The following DENND2B variants were observed in gnomAD, a reference collection of about 807,000 sequenced individuals.
The protein encoded by DENND2B is DENN domain containing 2B, also known as DENN domain-containing protein 2B.
In DENND2B, 32 loss-of-function variants were observed where a neutral mutation model predicts 116.0. The ratio of observed to expected loss-of-function variants is 0.28; its 90% CI spans 0.21 to 0.37. The LOEUF is 0.37. Ranked by LOEUF, DENND2B falls within the 10% of genes least tolerant of loss-of-function variation. The probability of loss-of-function intolerance (pLI) is 1.00; values close to 1 mark genes in which losing one functional copy is unlikely to be tolerated. For synonymous variants in DENND2B, 588 were observed against 583.9 expected (o/e 1.01, Z -0.10); for missense variants, 1,276 against 1,477.7 (o/e 0.86, Z 2.24).
At chr11:8,820,129 C>T (rs775327344) in intron 4 of DENND2B, among the ~76,000 whole-genome samples, 8 of 152,170 alleles carry the variant, frequency 5.3e-5, no homozygotes, top group Non-Finnish European at 1.0e-4. Context: ...CAAGAAAAGT[C>T]GCCCCCAGAA....
chr11:8,762,324 G>C (rs544343908), intron 1 of DENND2B, among the ~76,000 whole-genome samples: 1 of 152,022 alleles, frequency 6.6e-6, no homozygotes, highest in Non-Finnish European at 1.5e-5. Context: ...CCTACCCCAG[G>C]GCCTTCACAC....
At chr11:8,817,377 T>C (rs973966470) in intron 4 of DENND2B, among the ~76,000 whole-genome samples, 2 of 152,110 alleles carry the variant, frequency 1.3e-5, no homozygotes, top group Non-Finnish European at 2.9e-5. Context: ...CTGCACAGTG[T>C]TGACCACTGC....
Position 8,900,212 on chromosome 11 carries a change from T to C in DENND2B, c.-256+10609A>G, listed in dbSNP as rs1384841252. On this transcript the variant is annotated intron_variant, in intron 1 of 22. Coordinates refer to the DENND2B transcript ENST00000534127. ...AGGCCGAGGCGGGTAGATCACAAGG[T>C]CAGGAGTTCGAGACTGTCCTGGCTA... Among the ~76,000 whole-genome samples, 5 of 150,726 alleles carry C rather than the reference T, an allele frequency of 3.3e-5. No homozygotes were observed. The East Asian group carries it at 9.8e-4, about 30-fold the overall frequency.
At chr11:8,804,517 G>C (rs913233839) in intron 1 of DENND2B, among the ~76,000 whole-genome samples, 1 of 146,614 alleles carries the variant, frequency 6.8e-6, no homozygotes, top group African/African-American at 2.5e-5. Context: ...TTGACAGAAA[G>C]ATGAACGAGA....
At chr11:8,768,409 G>C (rs1316512342) in intron 1 of DENND2B, among the ~76,000 whole-genome samples, 1 of 152,038 alleles carries the variant, frequency 6.6e-6, no homozygotes, top group Non-Finnish European at 1.5e-5. Context: ...ACCATAGCCA[G>C]CTAAGTTTTT....
At chr11:8,821,574 G>T (rs2061769195) in intron 4 of DENND2B, among the ~76,000 whole-genome samples, 1 of 26,384 alleles carries the variant, frequency 3.8e-5, no homozygotes, top group African/African-American at 5.3e-5. Flanking sequence ...GAGAGATCCT[G>T]TCTCAAAAAA....
intron 1 of DENND2B, chr11:8,771,561 G>GAC (rs2056888380): frequency 6.8e-6 from 1 of 146,666 alleles, no homozygotes; most frequent in Non-Finnish European, 1.5e-5. Context: ...GAGAGAGAGA[G>GAC]AGAGAGCCTT....
At chr11:8,883,070 G>T (rs1224352654) in intron 1 of DENND2B, among the ~76,000 whole-genome samples, 1 of 152,128 alleles carries the variant, frequency 6.6e-6, no homozygotes, top group Non-Finnish European at 1.5e-5. Context: ...ATAGTAACTT[G>T]CACAGAGTTA....
intron 1 of DENND2B, among the ~76,000 whole-genome samples, chr11:8,902,397 A>T (rs2064182119): frequency 6.6e-6 from 1 of 151,528 alleles, no homozygotes; most frequent in East Asian, 1.9e-4. Context: ...TTCTTGCTTG[A>T]ATTTTGTCAG....
At chr11:8,740,180 T>A (rs1266844977) in intron 2 of DENND2B, among the ~76,000 whole-genome samples, 2 of 141,214 alleles carry the variant, frequency 1.4e-5, no homozygotes, top group African/African-American at 2.6e-5. Flanking sequence ...CAAAGTGAGA[T>A]CCTGTCTCAA....
At chr11:8,719,509 T>C (rs2045760263) in intron 4 of DENND2B, among the ~76,000 whole-genome samples, 1 of 152,192 alleles carries the variant, frequency 6.6e-6, no homozygotes, top group Non-Finnish European at 1.5e-5. Flanking sequence ...AACACAGTCA[T>C]GCTATTAAAA....
intron 16 of DENND2B, 44 bp from the exon 17 acceptor site, chr11:8,697,680 A>T (rs1232303136): frequency 1.5e-6 from 2 of 1,303,418 alleles, no homozygotes; most frequent in African/African-American, 1.4e-5. Context: ...GCTGACACTG[A>T]GCACTTACTA....
intron 2 of DENND2B, among the ~76,000 whole-genome samples, chr11:8,738,219 T>C (rs1049520081): frequency 6.6e-6 from 1 of 152,242 alleles, no homozygotes; most frequent in African/African-American, 2.4e-5. Context: ...GTGCCTGCAC[T>C]GGACGTCTGC....
At position 8,861,998 on chromosome 11, in the gene DENND2B, G is replaced by C. The variant is rs568928847; in HGVS notation, c.-249-4562C>G. ...AGCTATGGGTATGCAAAGGCATATC[G>C]AGTGGTATAATGGATTATGGAGACA... On this transcript the variant is annotated intron_variant, in intron 2 of 6. Transcript: ENST00000524757. Among the ~76,000 whole-genome samples the C allele has an allele frequency of 1.2e-4, 18 of 148,676 alleles. No homozygotes were observed. In the South Asian group the frequency reaches 3.3e-3, roughly 27 times the overall value.
intron 16 of DENND2B, 44 bp downstream of exon 16, chr11:8,698,889 A>G (rs1478621845): frequency 6.2e-7 from 1 of 1,609,668 alleles, no homozygotes; most frequent in East Asian, 2.2e-5. Flanking sequence ...GTGATGGTGC[A>G]GGGTGCTCAG....
chr11:8,708,039 G>A (rs1178246789), intron 11 of DENND2B, 185 bp from the exon 12 acceptor site: 1 of 1,517,024 alleles, frequency 6.6e-7, no homozygotes, highest in Non-Finnish European at 8.8e-7. Flanking sequence ...TCTCAGGACA[G>A]GCCTCAGCTC....
chr11:8,837,551 T>C (rs1043328610), intron 4 of DENND2B, among the ~76,000 whole-genome samples: 9 of 152,090 alleles, frequency 5.9e-5, no homozygotes, highest in Admixed American at 3.9e-4. Context: ...TGTCATTCTG[T>C]TGGCCAGGCT....
intron 17 of DENND2B, among the ~76,000 whole-genome samples, chr11:8,696,935 T>C (rs866780059): frequency 6.6e-6 from 1 of 152,152 alleles, no homozygotes; most frequent in African/African-American, 2.4e-5. Flanking sequence ...AGGTGCACTT[T>C]TTGTATTTTT....
At chr11:8,727,527 A>C (rs1378918185) in intron 3 of DENND2B, among the ~76,000 whole-genome samples, 1 of 152,150 alleles carries the variant, frequency 6.6e-6, no homozygotes, top group Non-Finnish European at 1.5e-5. Flanking sequence ...CGGGTCTCTC[A>C]GAGTTCTGTC....
Sources: allele counts gnomAD v4.1 joint callset (sites outside exome capture counted in the v4.1 genomes callset), GRCh38; gene constraint gnomAD v4.1.1; transcripts MANE v1.5; gene names NCBI Gene and HGNC (gene_info 2026-07-23, HGNC 2026-07-21).